RANBP2: variants seen among roughly 807,000 people sequenced by gnomAD.
The protein encoded by RANBP2 is E3 SUMO-protein ligase RanBP2.
Under a neutral mutation model 303.6 loss-of-function variants are expected in RANBP2, and 57 were observed. The ratio of observed to expected loss-of-function variants is 0.19; its 90% CI spans 0.15 to 0.23. The LOEUF (loss-of-function observed/expected upper bound fraction) is 0.23, where lower values mean the gene tolerates loss of function less well. Ranked by LOEUF, RANBP2 falls within the 10% of genes least tolerant of loss-of-function variation. RANBP2 has a pLI of 1.00. For synonymous variants in RANBP2, 1,167 were observed against 1,301.5 expected (o/e 0.90, Z 2.23); for missense variants, 3,138 against 3,780.8 (o/e 0.83, Z 4.46).
the RANBP2 span, among the ~76,000 whole-genome samples, chr2:108,845,603 G>A: frequency 7.2e-5 from 10 of 139,370 alleles, no homozygotes; most frequent in African/African-American, 2.7e-4. Context: ...ATGGAGTCTC[G>A]CTCTGTCACC....
chr2:109,154,773 A>G, the RANBP2 span, among the ~76,000 whole-genome samples: 1 of 152,226 alleles, frequency 6.6e-6, no homozygotes, highest in African/African-American at 2.4e-5. Context: ...CTCAGAGTGT[A>G]TGTGTTTTTG....
the RANBP2 span, among the ~76,000 whole-genome samples, chr2:109,491,434 G>A: frequency 0.037 from 5,689 of 152,250 alleles, 361 homozygotes; most frequent in African/African-American, 0.13. Context: ...GGCTTCAAGG[G>A]TATATAGTCC....
Position 108,763,347 on chromosome 2 carries a change from G to A in RANBP2, c.2808G>A (p.Gln936=), listed in dbSNP as rs755170681. 1.2e-6 allele frequency: 2 copies of A among 1,613,942 alleles called. No homozygotes were observed. The highest frequency in any genetic ancestry group is 1.7e-6 in the Non-Finnish European group (2 of 1,179,966). The change falls in exon 20 of 29, where the codon CAG becomes CAA. Residue 936 remains glutamine (Q), a synonymous_variant. Transcript: ENST00000283195. ...GCTCATCTGCTTGTATGTTCTCTCA[G>A]GAGATGTATGGTCCTCCTGCATTGC... The part of the protein sequence containing the change: ...VQSSSACMFS[Q]EMYGPPALRF...
chr2:109,359,224 C>G, the RANBP2 span, among the ~76,000 whole-genome samples: 4 of 152,036 alleles, frequency 2.6e-5, no homozygotes, highest in Admixed American at 2.6e-4. Context: ...GGCCCTTGTT[C>G]TTCTCCTTCA....
the RANBP2 span, among the ~76,000 whole-genome samples, chr2:108,954,578 C>G: frequency 6.6e-6 from 1 of 152,160 alleles, no homozygotes; most frequent in Non-Finnish European, 1.5e-5. Context: ...CAGCCCTGTG[C>G]CTGGTATGTA....
the RANBP2 span, among the ~76,000 whole-genome samples, chr2:109,317,411 C>A: frequency 6.6e-6 from 1 of 152,030 alleles, no homozygotes; most frequent in Admixed American, 6.6e-5. Context: ...TCCCTGTTAG[C>A]GCTCAGAAGG....
chr2:108,727,966 G>A (rs1694864586), intron 1 of RANBP2, among the ~76,000 whole-genome samples: 2 of 152,142 alleles, frequency 1.3e-5, no homozygotes, highest in Non-Finnish European at 2.9e-5. Flanking sequence ...TGTGGACCTC[G>A]TTTATTACTT....
At chr2:109,080,857 A>C in the RANBP2 span, among the ~76,000 whole-genome samples, 1 of 152,238 alleles carries the variant, frequency 6.6e-6, no homozygotes. Flanking sequence ...CAAACAACAG[A>C]CAGTCTGGAT....
chr2:109,114,217 T>C, the RANBP2 span, among the ~76,000 whole-genome samples: 1 of 152,204 alleles, frequency 6.6e-6, no homozygotes, highest in East Asian at 1.9e-4. Context: ...ATGGTACCAG[T>C]TCCTCCTTGT....
At position 108,763,328 on chromosome 2, in the gene RANBP2, C is replaced by G; in HGVS notation, c.2789C>G (p.Ser930Cys). The G allele has an allele frequency of 6.2e-7, 1 of 1,614,008 alleles. No individual in the cohort carries two copies. The highest frequency in any genetic ancestry group is 1.7e-5 in the Admixed American group (1 of 59,990). The change falls in exon 20 of 29, where the codon TCT becomes TGT. Residue 930 changes from serine to cysteine, a missense_variant. Coordinates refer to ENST00000283195, the MANE Select transcript of RANBP2 (RefSeq NM_006267.5). ...QMHTPPVQSS[S>C]ACMFSQEMYG... ...CACACACCGCCAGTGCAAAGCTCAT[C>G]TGCTTGTATGTTCTCTCAGGAGATG... is the stretch of plus-strand genomic sequence containing the variant.
the RANBP2 span, among the ~76,000 whole-genome samples, chr2:108,886,897 A>AT: frequency 2.6e-5 from 4 of 152,050 alleles, no homozygotes; most frequent in Admixed American, 2.6e-4. Flanking sequence ...TTTTTAGTTT[A>AT]TTATAATCCT....
At chr2:109,152,905 C>T in the RANBP2 span, among the ~76,000 whole-genome samples, 6 of 152,134 alleles carry the variant, frequency 3.9e-5, no homozygotes, top group African/African-American at 9.7e-5. Flanking sequence ...GATGGAGGCA[C>T]GCAATTGAAA....
At chr2:109,631,815 T>C in the RANBP2 span, among the ~76,000 whole-genome samples, 1 of 152,128 alleles carries the variant, frequency 6.6e-6, no homozygotes, top group Admixed American at 6.5e-5. Context: ...ATAATTTGTC[T>C]AGTCTTTGTC....
the RANBP2 span, among the ~76,000 whole-genome samples, chr2:109,427,512 G>T: frequency 6.6e-6 from 1 of 152,150 alleles, no homozygotes; most frequent in Non-Finnish European, 1.5e-5. Context: ...CTTACACCAG[G>T]AGCTCCAGGG....
the RANBP2 span, chr2:109,585,095 A>G: frequency 7.1e-7 from 1 of 1,417,216 alleles, no homozygotes; most frequent in Non-Finnish European, 9.5e-7. Flanking sequence ...AATAAGAAAA[A>G]CTTGTTTTAT....
the RANBP2 span, among the ~76,000 whole-genome samples, chr2:109,720,035 A>G: frequency 2.0e-5 from 3 of 152,252 alleles, no homozygotes; most frequent in Admixed American, 1.3e-4. Flanking sequence ...TAGATTCTGG[A>G]CTATCACTGC....
the RANBP2 span, among the ~76,000 whole-genome samples, chr2:108,854,592 C>T: frequency 6.6e-6 from 1 of 152,096 alleles, no homozygotes. Flanking sequence ...TTTATTCCTG[C>T]TTAATAAACT....
the RANBP2 span, among the ~76,000 whole-genome samples, chr2:109,637,366 A>G: frequency 8.5e-5 from 13 of 152,254 alleles, no homozygotes; most frequent in East Asian, 2.5e-3. Context: ...CTCTATCTCA[A>G]CTGCAAGAGG....
downstream of RANBP2, among the ~76,000 whole-genome samples, chr2:108,786,287 G>T: frequency 6.9e-6 from 1 of 145,914 alleles, no homozygotes; most frequent in South Asian, 2.2e-4. Context: ...AGAGATGGGA[G>T]TCTTGCTATG....
Sources: gnomAD v4.1 joint callset for allele counts (sites outside exome capture counted in the v4.1 genomes callset) on GRCh38, gnomAD v4.1.1 for gene constraint, MANE v1.5 for transcripts, NCBI Gene and HGNC (gene_info 2026-07-23, HGNC 2026-07-21) for gene names.